B9D1: variants seen among roughly 807,000 people sequenced by gnomAD.
The protein encoded by B9D1 is B9 domain-containing protein 1.
Under a neutral mutation model 26.1 loss-of-function variants are expected in B9D1, and 20 were observed. The ratio of observed to expected loss-of-function variants is 0.77; its 90% confidence interval spans 0.54 to 1.12. B9D1 has a LOEUF of 1.12. Ranked by LOEUF, B9D1 falls within the 50% of genes most tolerant of loss-of-function variation. B9D1 has a pLI of 0.00. For synonymous variants in B9D1, 105 were observed against 103.1 expected (o/e 1.02, Z -0.11); for missense variants, 260 against 273.7 (o/e 0.95, Z 0.35).
chr17:19,335,916 C>G (rs1009179700), downstream of B9D1: 3 of 153,344 alleles, frequency 2.0e-5, no homozygotes, highest in Non-Finnish European at 2.9e-5. Context: ...GGGCAGCTTG[C>G]CTGGTGGATG....
downstream of B9D1, chr17:19,337,754 A>C (rs2152245051): frequency 6.5e-7 from 1 of 1,534,258 alleles, no homozygotes; most frequent in South Asian, 1.2e-5. Flanking sequence ...GGTGGCTATG[A>C]AGGGAAAAAT....
chr17:19,366,603 T>C (rs771194829), upstream of B9D1, among the ~76,000 whole-genome samples: 7 of 151,862 alleles, frequency 4.6e-5, no homozygotes, highest in Non-Finnish European at 8.8e-5. Flanking sequence ...TCACAGTGAG[T>C]TGGAAGCAGA....
rs548933243 is a variant in B9D1 at position 19,347,560 on chromosome 17, C to G, written c.341+224G>C. 4.6e-5 allele frequency among the ~76,000 whole-genome samples: 7 copies of G among 152,314 alleles called. No individual in the cohort carries two copies. In the South Asian group the frequency reaches 1.4e-3, roughly 32 times the overall value. On this transcript the variant is annotated intron_variant, in intron 4 of 6. Transcript: ENST00000261499. The surrounding 1 kb of genome is among the most constrained non-coding windows in gnomAD (Gnocchi z 4.3). Reference sequence around the variant, plus strand: ...AGAGTCCCTCAGGGTCTTTTCTTTTCTGGGTCCCACTACCTCCCCAACCCA... The same window carrying G: ...AGAGTCCCTCAGGGTCTTTTCTTTTGTGGGTCCCACTACCTCCCCAACCCA...
At chr17:19,360,267 A>T in intron 2 of B9D1, 53 bp downstream of exon 2, 1 of 1,569,844 alleles carries the variant, frequency 6.4e-7, no homozygotes, top group Non-Finnish European at 8.8e-7. Context: ...TGACACCTTC[A>T]GAAACCCCAA....
At chr17:19,356,565 G>A (rs1795606743) in intron 3 of B9D1, among the ~76,000 whole-genome samples, 1 of 152,134 alleles carries the variant, frequency 6.6e-6, no homozygotes, top group African/African-American at 2.4e-5. Context: ...TAACCCAGTT[G>A]GTGAGATTTA....
At chr17:19,335,087 A>G (rs534701507), downstream of B9D1, 1 of 202,930 alleles carries the variant, frequency 4.9e-6, no homozygotes, top group East Asian at 1.1e-4. Context: ...TTGGATGACA[A>G]AAAAATGCCT....
Position 19,343,384 on chromosome 17 carries a change from C to A in B9D1, c.550G>T (p.Asp184Tyr). Residue 184 changes from aspartate to tyrosine, a missense_variant, in exon 7 of 7, where the codon GAC (aspartate) becomes TAC (tyrosine). Physicochemically the swap from Asp to Tyr is radical, Grantham distance 160. Transcript: ENST00000261499. Reference protein sequence around the residue: ...VTKDMRKLGYDTGPSDTQGVL... With the variant: ...VTKDMRKLGYYTGPSDTQGVL... The stretch of plus-strand genomic sequence containing the variant: ...CCCTGTGTATCAGAAGGCCCAGTGT[C>A]ATAGCCCAGTTTCCTCATGTCCTTG... 1 of 1,614,166 alleles carries A rather than the reference C, an allele frequency of 6.2e-7. No homozygotes were observed. Among genetic ancestry groups the A allele is most frequent in the South Asian group, 1.1e-5 (1 of 91,078 alleles).
At chr17:19,349,749 T>C (rs1909339559) in intron 3 of B9D1, among the ~76,000 whole-genome samples, 1 of 152,202 alleles carries the variant, frequency 6.6e-6, no homozygotes, top group Non-Finnish European at 1.5e-5. Flanking sequence ...TTTTCATTTT[T>C]AGTGATGTCT....
rs138240520 is a variant in B9D1 at position 19,347,304 on chromosome 17, G to T, written c.369C>A (p.Val123=). 8.5e-5 allele frequency: 138 copies of T among 1,614,200 alleles called. 1 individual carries two copies. The highest frequency in any genetic ancestry group is 6.2e-4 in the Admixed American group (37 of 60,020). The change falls in exon 5 of 7, where the codon GTC becomes GTA. Residue 123 remains valine (V), a synonymous_variant. Transcript: ENST00000261499. The surrounding 1 kb of genome is among the most constrained non-coding windows in gnomAD (Gnocchi z 4.3). ...TCTGCAGTTTAGACGTAGATTCTGG[G>T]ACAAACATGGGGATGGTCCTTTTGT... The part of the protein sequence containing the change: ...GRHKRTIPMF[V]PESTSKLQKF...
intron 1 of B9D1, among the ~76,000 whole-genome samples, chr17:19,374,430 C>T (rs1912018113): frequency 6.6e-6 from 1 of 152,250 alleles, no homozygotes; most frequent in Non-Finnish European, 1.5e-5. Flanking sequence ...GAGTCATTCT[C>T]TCATACCACT....
Position 19,347,426 on chromosome 17 carries a change from C to T in B9D1, c.342-95G>A. The T allele has an allele frequency of 7.0e-7, 1 of 1,437,442 alleles. No homozygotes were observed. The allele number at this position is 1,437,442 out of a possible 1,614,324, so 89.0% of individuals were successfully genotyped here. A position where few individuals can be genotyped will look rare whatever the true frequency, so the allele number is the denominator to read the frequency against. On this transcript the variant is annotated intron_variant, in intron 4 of 6. Coordinates refer to ENST00000261499, the MANE Select transcript of B9D1 (RefSeq NM_015681.6). This position sits in a 1 kb window ranked among gnomAD's most constrained non-coding sequence, Gnocchi z 4.3. ...CCCTCAGATCAGGCCAGTGCAGCTGCAGCGTGGGCCAAGTCAGGGCCAATG... is the reference window on the plus strand; with the variant it reads ...CCCTCAGATCAGGCCAGTGCAGCTGTAGCGTGGGCCAAGTCAGGGCCAATG...
chr17:19,342,194 T>C (rs541260062), downstream of B9D1, among the ~76,000 whole-genome samples: 2 of 152,048 alleles, frequency 1.3e-5, no homozygotes, highest in Non-Finnish European at 2.9e-5. Context: ...TGGGCTTCAG[T>C]AAGGCCAGAA....
rs919746511 is a variant in B9D1, at chr17:19,372,829, C to T, written c.-298+5030G>A. On this transcript the variant is annotated intron_variant, in intron 1 of 5. Coordinates refer to the B9D1 transcript ENST00000477478. The surrounding 1 kb of genome is among the most constrained non-coding windows in gnomAD (Gnocchi z 4.4). ...AGGCAGTAACATCAGCAGAGCGGCA[C>T]CCTGCTCGGACAATTCACCTGCGCT... Among the ~76,000 whole-genome samples the T allele has an allele frequency of 2.6e-5, 4 of 152,216 alleles. No homozygotes were observed. The highest frequency in any genetic ancestry group is 6.5e-5 in the Admixed American group (1 of 15,280).
chr17:19,362,495 A>T lies in B9D1; in HGVS notation c.63+12T>A. 1 of 1,555,586 alleles carries T rather than the reference A, an allele frequency of 6.4e-7. No individual in the cohort carries two copies. Among genetic ancestry groups the T allele is most frequent in the Non-Finnish European group, 8.7e-7 (1 of 1,149,332 alleles). On this transcript the variant is annotated intron_variant, in intron 1 of 6. Coordinates refer to ENST00000261499, the MANE Select transcript of B9D1 (RefSeq NM_015681.6). ...TGGGGGGCGGGCCCCGGCGGGGTCC[A>T]CGGCCGCTCACCTGGGCGCTCTCCA...
chr17:19,375,983 C>G (rs958568322), intron 1 of B9D1, among the ~76,000 whole-genome samples: 1 of 152,104 alleles, frequency 6.6e-6, no homozygotes, highest in Admixed American at 6.5e-5. Flanking sequence ...TTGAAACAAC[C>G]CAAATGTTCA....
At chr17:19,366,255 G>A (rs1350139515), upstream of B9D1, among the ~76,000 whole-genome samples, 3 of 151,970 alleles carry the variant, frequency 2.0e-5, no homozygotes, top group African/African-American at 7.3e-5. Flanking sequence ...GCACCTTCAA[G>A]GGGTGGGGAG....
In B9D1 at chr17:19,353,006, T is replaced by C. The variant is rs552591491; in HGVS notation, c.244+4834A>G. Among the ~76,000 whole-genome samples, 43 of 150,156 alleles carry C rather than the reference T, an allele frequency of 2.9e-4. No individual in the cohort carries two copies. The South Asian group carries it at 8.6e-3, about 30-fold the overall frequency. On this transcript the variant is annotated intron_variant, in intron 3 of 6. Transcript: ENST00000261499. ...TCTTTTTTTTTTTTGAGATGGAGTC[T>C]CACTCTGTCGCCAGGCTGGAGTGTA... is the stretch of plus-strand genomic sequence containing the variant.
At chr17:19,350,520 G>A (rs1909461888) in intron 3 of B9D1, among the ~76,000 whole-genome samples, 1 of 152,032 alleles carries the variant, frequency 6.6e-6, no homozygotes. Context: ...TCCAGCCTGG[G>A]AGACAGAGCA....
chr17:19,335,554 CGTGGG>C, downstream of B9D1: 1 of 1,341,358 alleles, frequency 7.5e-7, no homozygotes, highest in Non-Finnish European at 1.0e-6. Flanking sequence ...GTCCCGAGGG[CGTGGG>C]GTGGGGGGTG....
Sources: gnomAD v4.1 joint callset for allele counts (sites outside exome capture counted in the v4.1 genomes callset) on GRCh38, gnomAD v4.1.1 for gene constraint, Gnocchi (gnomAD v3.1) non-coding constraint, MANE v1.5 for transcripts, NCBI Gene and HGNC (gene_info 2026-07-23, HGNC 2026-07-21) for gene names.